DNAI7: variants seen among roughly 807,000 people sequenced by gnomAD.
DNAI7 encodes the protein cancer susceptibility 1.
A neutral mutation model predicts 86.6 loss-of-function variants in DNAI7; 78 were observed. The ratio of observed to expected loss-of-function variants is 0.90; its 90% CI spans 0.75 to 1.09. The LOEUF is 1.09. Ranked by LOEUF, DNAI7 falls within the 50% of genes least tolerant of loss-of-function variation. DNAI7 has a pLI of 0.00. For synonymous variants in DNAI7, 274 were observed against 273.0 expected (o/e 1.00, Z -0.04); for missense variants, 753 against 810.2 (o/e 0.93, Z 0.86).
intron 9 of DNAI7, among the ~76,000 whole-genome samples, chr12:25,136,234 C>T (rs886186543): frequency 7.2e-5 from 11 of 152,208 alleles, no homozygotes; most frequent in Non-Finnish European, 1.3e-4. Context: ...TTACATCACA[C>T]GACTCTTTGC....
chr12:25,157,221 A>T (rs10160875), intron 4 of DNAI7, among the ~76,000 whole-genome samples: 116,515 of 148,660 alleles, frequency 0.78, 46,163 homozygotes, highest in East Asian at 0.99. Context: ...GAGCTTGCAG[A>T]GAGCAGAGAT....
At chr12:25,121,021 G>A (rs951990116) in intron 11 of DNAI7, among the ~76,000 whole-genome samples, 14 of 152,186 alleles carry the variant, frequency 9.2e-5, no homozygotes, top group Non-Finnish European at 1.5e-4. Flanking sequence ...CTGGTTCAAT[G>A]CTGTTGATTT....
chr12:25,191,149 C>T (rs1228924577), intron 1 of DNAI7, among the ~76,000 whole-genome samples: 1 of 152,182 alleles, frequency 6.6e-6, no homozygotes, highest in Non-Finnish European at 1.5e-5. Context: ...CACACGGTGG[C>T]TCACTCCTGT....
Position 25,144,605 on chromosome 12 carries a change from A to AATG in DNAI7, c.759_761dup (p.Ile254dup). The AATG allele has an allele frequency of 1.2e-6, 2 of 1,614,106 alleles. No homozygotes were observed. The highest frequency in any genetic ancestry group is 1.7e-6 in the Non-Finnish European group (2 of 1,179,980). The stretch of plus-strand genomic sequence containing the variant: ...AGTGGGTATGCAGGAGTCGTACAGC[A>AATG]ATGTCACTTGTTGCTAATATCCTTG... On this transcript the variant is annotated inframe_insertion, in exon 9 of 16. Transcript: ENST00000395987.
chr12:25,123,620 G>A (rs1267524505), intron 9 of DNAI7, among the ~76,000 whole-genome samples: 2 of 152,126 alleles, frequency 1.3e-5, no homozygotes, highest in African/African-American at 4.8e-5. Context: ...GGTAGATTTT[G>A]CTTAAATTTG....
chr12:25,108,094 T>TTAAG, downstream of DNAI7: 1 of 1,599,250 alleles, frequency 6.3e-7, no homozygotes, highest in Non-Finnish European at 8.5e-7. Context: ...ATCTTGATTT[T>TTAAG]TAAGTTTCAG....
At chr12:25,107,684 A>C (rs763856951), downstream of DNAI7, 8 of 773,040 alleles carry the variant, frequency 1.0e-5, no homozygotes, top group Non-Finnish European at 1.7e-5. Context: ...CAAAATGATA[A>C]ATCATAATAT....
intron 2 of DNAI7, among the ~76,000 whole-genome samples, chr12:25,164,687 C>A (rs564268937): frequency 7.4e-4 from 113 of 152,224 alleles, no homozygotes; most frequent in Middle Eastern, 3.4e-3. Context: ...AGTCTCTGTT[C>A]CCAGTGCAAC....
chr12:25,173,701 C>A (rs1212274434), intron 2 of DNAI7, among the ~76,000 whole-genome samples: 1 of 151,690 alleles, frequency 6.6e-6, no homozygotes, highest in Non-Finnish European at 1.5e-5. Context: ...GGAACCAACC[C>A]AAATGCCCAT....
At chr12:25,186,470 T>C (rs7955844) in intron 2 of DNAI7, among the ~76,000 whole-genome samples, 71,843 of 152,004 alleles carry the variant, frequency 0.47, 18,528 homozygotes, top group East Asian at 0.8. Flanking sequence ...AATTTGATAA[T>C]AATCTCATGG....
chr12:25,190,188 A>T (rs1034803941), intron 2 of DNAI7, among the ~76,000 whole-genome samples: 5 of 152,136 alleles, frequency 3.3e-5, no homozygotes, highest in Non-Finnish European at 7.4e-5. Context: ...AGTACAAAAA[A>T]ACCCACCAAG....
rs543301418 is a variant in DNAI7 at position 25,184,775 on chromosome 12, T to C, written c.21+5839A>G. Among the ~76,000 whole-genome samples, 132 of 152,248 alleles carry C rather than the reference T, an allele frequency of 8.7e-4. 1 individual carries two copies. Among genetic ancestry groups the C allele is most frequent in the South Asian group, 4.6e-3 (22 of 4,826 alleles). Reference sequence around the variant, plus strand: ...TGAAGACATCATTCCACTGTCTGGCTTTCATTTTTGCTATGAAGACCAAAG... The same window carrying C: ...TGAAGACATCATTCCACTGTCTGGCCTTCATTTTTGCTATGAAGACCAAAG... On this transcript the variant is annotated intron_variant, in intron 2 of 15. Coordinates refer to ENST00000395987, the MANE Select transcript of DNAI7 (RefSeq NM_018272.5).
intron 3 of DNAI7, among the ~76,000 whole-genome samples, chr12:25,160,663 G>A (rs1444627338): frequency 6.6e-6 from 1 of 152,186 alleles, no homozygotes; most frequent in African/African-American, 2.4e-5. Context: ...CCTTGTCCAA[G>A]TGTGCACCCA....
intron 14 of DNAI7, 50 bp from the exon 15 acceptor site, chr12:25,110,290 C>G (rs1381688274): frequency 3.8e-6 from 4 of 1,045,462 alleles, no homozygotes; most frequent in Non-Finnish European, 6.0e-6. Flanking sequence ...CCCAACAAGT[C>G]TTCCTCCATC....
chr12:25,142,981 T>C (rs1227847736), intron 9 of DNAI7, among the ~76,000 whole-genome samples: 1 of 152,242 alleles, frequency 6.6e-6, no homozygotes, highest in Admixed American at 6.5e-5. Flanking sequence ...GTAAAGCTTC[T>C]AAACTATCTG....
At chr12:25,128,690 AAACTC>A (rs1217507593) in intron 9 of DNAI7, among the ~76,000 whole-genome samples, 1 of 152,212 alleles carries the variant, frequency 6.6e-6, no homozygotes, top group Non-Finnish European at 1.5e-5. Context: ...CTCAAAATAA[AAACTC>A]AGTAAGATAT....
rs1210476644 is a variant in DNAI7 at position 25,174,685 on chromosome 12, T to TATGGAATATAGATATCATAC, written c.22-13489_22-13488insGTATGATATCTATATTCCAT. On this transcript the variant is annotated intron_variant, in intron 2 of 15. Transcript: ENST00000395987. ...ATATATGGAATATATATATCATATA[T>TATGGAATATAGATATCATAC]ATATGGAATATAGATATCATACATA... Among the ~76,000 whole-genome samples the TATGGAATATAGATATCATAC allele has an allele frequency of 2.3e-5, 3 of 129,434 alleles. 1 individual carries two copies. Among genetic ancestry groups the TATGGAATATAGATATCATAC allele is most frequent in the South Asian group, 5.1e-4 (2 of 3,942 alleles). The allele number at this position is 129,434 out of a possible 152,430, so 84.9% of individuals were successfully genotyped here. A position where few individuals can be genotyped will look rare whatever the true frequency, so the allele number is the denominator to read the frequency against.
At chr12:25,179,346 T>G (rs1159603081) in intron 2 of DNAI7, among the ~76,000 whole-genome samples, 1 of 152,194 alleles carries the variant, frequency 6.6e-6, no homozygotes, top group Non-Finnish European at 1.5e-5. Flanking sequence ...TTGTTTGGTG[T>G]GGTGTTCTAA....
intron 9 of DNAI7, among the ~76,000 whole-genome samples, chr12:25,139,228 A>G (rs1294642134): frequency 6.6e-6 from 1 of 151,984 alleles, no homozygotes; most frequent in African/African-American, 2.4e-5. Context: ...AAAAATTACC[A>G]ATAAAAAAAA....
Sources: gnomAD v4.1 joint callset for allele counts (sites outside exome capture counted in the v4.1 genomes callset) on GRCh38, gnomAD v4.1.1 for gene constraint, MANE v1.5 for transcripts, NCBI Gene and HGNC (gene_info 2026-07-23, HGNC 2026-07-21) for gene names.